Variants in ETV6 observed in about 807,000 individuals in gnomAD.
ETV6 encodes the protein transcription factor ETV6.
In ETV6, 16 loss-of-function variants were observed where a neutral mutation model predicts 51.1. The ratio of observed to expected loss-of-function variants is 0.31; its 90% CI spans 0.21 to 0.48. The LOEUF (loss-of-function observed/expected upper bound fraction) is 0.48. Ranked by LOEUF, ETV6 falls within the 20% of genes least tolerant of loss-of-function variation. ETV6 has a pLI of 0.99. For synonymous variants in ETV6, 240 were observed against 224.1 expected (o/e 1.07, Z -0.64); for missense variants, 458 against 594.8 (o/e 0.77, Z 2.39).
chr12:11,668,212 G>T (rs1864232623), intron 1 of ETV6, among the ~76,000 whole-genome samples: 1 of 140,996 alleles, frequency 7.1e-6, no homozygotes, highest in African/African-American at 2.6e-5. Context: ...AAATTGACCT[G>T]CCTTGGAGAA....
At chr12:11,750,462 T>C (rs1362545471) in intron 1 of ETV6, among the ~76,000 whole-genome samples, 1 of 152,180 alleles carries the variant, frequency 6.6e-6, no homozygotes, top group African/African-American at 2.4e-5. Context: ...TTCTCTTTGC[T>C]TCAAGGGAAA....
Position 11,845,065 on chromosome 12 carries a change from A to G in ETV6, c.328+5761A>G, listed in dbSNP as rs565825954. On this transcript the variant is annotated intron_variant, in intron 3 of 7. Coordinates refer to ENST00000396373, the MANE Select transcript of ETV6 (RefSeq NM_001987.5). Reference sequence around the variant, plus strand: ...AGGATGATCTCAATCTCTTGACCTCATGATCTACCCACTTTGGCCTCCCAA... The same window carrying G: ...AGGATGATCTCAATCTCTTGACCTCGTGATCTACCCACTTTGGCCTCCCAA... Among the ~76,000 whole-genome samples the G allele has an allele frequency of 9.9e-5, 15 of 152,236 alleles. No homozygotes were observed. In the South Asian group the frequency reaches 2.9e-3, roughly 29 times the overall value.
Position 11,893,340 on chromosome 12 carries a change from C to T in ETV6, c.*2294C>T, listed in dbSNP as rs1342854203. ...GCCTCTTCACCCAAGTGCAAGAACTCAGTCTCTTACTGTTCAAAGAATCTT... is the reference window on the plus strand; with the variant it reads ...GCCTCTTCACCCAAGTGCAAGAACTTAGTCTCTTACTGTTCAAAGAATCTT... On this transcript the variant is annotated 3_prime_UTR_variant, in exon 8 of 8. Transcript: ENST00000396373. 4.7e-6 allele frequency: 1 copy of T among 213,596 alleles called. No homozygotes were observed. Among genetic ancestry groups the T allele is most frequent in the Non-Finnish European group, 9.1e-6 (1 of 110,140 alleles). 13.2% of individuals were successfully genotyped at this position (213,596 alleles called of 1,614,324 possible).
In ETV6 at chr12:11,893,491, G is replaced by A. The variant is rs1565572982; in HGVS notation, c.*2445G>A. ...GCCACTTGAAGAAGAAATAGAAGGC[G>A]CTCATTCCAATATAGTCTTTATTTC... On this transcript the variant is annotated 3_prime_UTR_variant, in exon 8 of 8. Transcript: ENST00000396373. 1 of 231,554 alleles carries A rather than the reference G, an allele frequency of 4.3e-6. No individual in the cohort carries two copies. Among genetic ancestry groups the A allele is most frequent in the Non-Finnish European group, 8.5e-6 (1 of 117,116 alleles). 14.3% of individuals were successfully genotyped at this position (231,554 alleles called of 1,614,324 possible).
At chr12:11,845,820 A>G (rs1193258875) in intron 3 of ETV6, among the ~76,000 whole-genome samples, 1 of 151,986 alleles carries the variant, frequency 6.6e-6, no homozygotes, top group Non-Finnish European at 1.5e-5. Flanking sequence ...GTGAAACCTC[A>G]TCTCTACCAA....
intron 1 of ETV6, among the ~76,000 whole-genome samples, chr12:11,673,717 A>G (rs1864363224): frequency 6.6e-6 from 1 of 152,044 alleles, no homozygotes; most frequent in African/African-American, 2.4e-5. Context: ...TCTCATTTTT[A>G]TTGCTGTATT....
intron 1 of ETV6, among the ~76,000 whole-genome samples, chr12:11,680,810 A>G (rs1298063833): frequency 1.3e-5 from 2 of 152,224 alleles, no homozygotes; most frequent in African/African-American, 4.8e-5. Context: ...TCCCTCTAAT[A>G]GAAGAAGGCT....
chr12:11,785,973 G>GT (rs1945478251), intron 2 of ETV6, among the ~76,000 whole-genome samples: 1 of 152,018 alleles, frequency 6.6e-6, no homozygotes, highest in Admixed American at 6.6e-5. Flanking sequence ...TTTGGCACTT[G>GT]TTTTAGCAGG....
At chr12:11,822,802 G>C (rs947240217) in intron 2 of ETV6, among the ~76,000 whole-genome samples, 4 of 152,342 alleles carry the variant, frequency 2.6e-5, no homozygotes, top group Admixed American at 1.3e-4. Context: ...TTCCAGAAAG[G>C]ACAGCCATTG....
In ETV6 at chr12:11,766,870, G is replaced by A. The variant is rs964895122; in HGVS notation, c.163+14291G>A. ...TATTCCGGTCTTGGGAGCTGGGTCT[G>A]AATTCTTTGCTTTGTTGAAGGAAAT... is the stretch of plus-strand genomic sequence containing the variant. On this transcript the variant is annotated intron_variant, in intron 2 of 7. Transcript: ENST00000396373. 4.6e-5 allele frequency among the ~76,000 whole-genome samples: 7 copies of A among 152,312 alleles called. No homozygotes were observed. The South Asian group carries it at 1.2e-3, about 27-fold the overall frequency.
chr12:11,821,258 C>T (rs1329911390), intron 2 of ETV6, among the ~76,000 whole-genome samples: 1 of 151,786 alleles, frequency 6.6e-6, no homozygotes, highest in African/African-American at 2.4e-5. Context: ...CCCAGCTTCT[C>T]GGGAGGCTGA....
chr12:11,706,514 A>T lies in ETV6; in HGVS notation c.34-45936A>T, dbSNP rs546937217. On this transcript the variant is annotated intron_variant, in intron 1 of 7. Coordinates refer to ENST00000396373, the MANE Select transcript of ETV6 (RefSeq NM_001987.5). ...GCTGCTGTCTGTTTTTCATAGGTTA[A>T]ATAGTGAATCAGTGTGCTCCGAGCT... 2.6e-5 allele frequency among the ~76,000 whole-genome samples: 4 copies of T among 152,362 alleles called. No individual in the cohort carries two copies. In the South Asian group the frequency reaches 8.3e-4, roughly 32 times the overall value.
At chr12:11,746,120 T>A (rs1378296220) in intron 1 of ETV6, among the ~76,000 whole-genome samples, 1 of 152,142 alleles carries the variant, frequency 6.6e-6, no homozygotes, top group East Asian at 1.9e-4. Flanking sequence ...CTCTGTTGAG[T>A]CACCCTCAAG....
intron 7 of ETV6, among the ~76,000 whole-genome samples, chr12:11,886,519 C>G (rs1227851579): frequency 1.3e-5 from 2 of 151,654 alleles, no homozygotes; most frequent in Admixed American, 1.3e-4. Context: ...AAATGCCAGA[C>G]TGCATGACAT....
At chr12:11,732,705 T>C (rs1406137628) in intron 1 of ETV6, among the ~76,000 whole-genome samples, 1 of 152,114 alleles carries the variant, frequency 6.6e-6, no homozygotes, top group Non-Finnish European at 1.5e-5. Context: ...TCCTTCTGCC[T>C]CTAGAGGACC....
At chr12:11,802,529 C>T (rs1042350830) in intron 2 of ETV6, among the ~76,000 whole-genome samples, 1 of 152,206 alleles carries the variant, frequency 6.6e-6, no homozygotes, top group Admixed American at 6.5e-5. Flanking sequence ...CACTTATGAA[C>T]TTGGAATTCT....
At chr12:11,777,239 CAAAAAAA>C (rs5796465) in intron 2 of ETV6, among the ~76,000 whole-genome samples, 407 of 78,878 alleles carry the variant, frequency 5.2e-3, no homozygotes, top group African/African-American at 0.02. Flanking sequence ...GACTCCGTGT[CAAAAAAA>C]AAAAAAAAAA....
At chr12:11,765,715 TG>T (rs144541095) in intron 2 of ETV6, among the ~76,000 whole-genome samples, 1 of 151,558 alleles carries the variant, frequency 6.6e-6, no homozygotes, top group Non-Finnish European at 1.5e-5. Flanking sequence ...AAAGCGTGCA[TG>T]GGGAAAAAAA....
intron 4 of ETV6, among the ~76,000 whole-genome samples, chr12:11,866,110 C>T (rs893075616): frequency 1.3e-5 from 2 of 152,014 alleles, no homozygotes; most frequent in African/African-American, 2.4e-5. Context: ...ACCCTTTCTT[C>T]TCTCATCTCC....
Sources: allele counts gnomAD v4.1 joint callset (sites outside exome capture counted in the v4.1 genomes callset), GRCh38; gene constraint gnomAD v4.1.1; transcripts MANE v1.5; gene names NCBI Gene and HGNC (gene_info 2026-07-23, HGNC 2026-07-21).